The following C17orf67 variants were observed in gnomAD, a reference collection of about 807,000 sequenced individuals.
C17orf67 encodes the protein uncharacterized protein C17orf67.
A neutral mutation model predicts 11.2 loss-of-function variants in C17orf67; 12 were observed. That is an observed-to-expected ratio of 1.07 (90% CI 0.68 to 1.73). The LOEUF is 1.73. Ranked by LOEUF, C17orf67 falls within the 40% of genes most tolerant of loss-of-function variation. The pLI is 0.00. For missense variants in C17orf67, 115 were observed against 113.5 expected (o/e 1.01, Z -0.06); for synonymous variants, 59 against 46.9 (o/e 1.26, Z -1.05).
At chr17:56,831,870 A>G (rs1017628372) in intron 2 of C17orf67, among the ~76,000 whole-genome samples, 8 of 152,194 alleles carry the variant, frequency 5.3e-5, no homozygotes, top group Non-Finnish European at 1.0e-4. Flanking sequence ...ACCTTGGCCT[A>G]TGAAATCTGC....
chr17:56,813,739 T>C (rs577285154), intron 6 of C17orf67, among the ~76,000 whole-genome samples: 1 of 152,228 alleles, frequency 6.6e-6, no homozygotes, highest in East Asian at 1.9e-4. Flanking sequence ...GAGGAGTACT[T>C]ACCATTTGCT....
intron 4 of C17orf67, among the ~76,000 whole-genome samples, chr17:56,819,587 T>TG (rs1905848412): frequency 1.3e-5 from 2 of 152,004 alleles, no homozygotes; most frequent in South Asian, 4.2e-4. Context: ...AAGTCTCGGG[T>TG]GGGGAGGGCC....
intron 6 of C17orf67, among the ~76,000 whole-genome samples, chr17:56,797,922 C>T: frequency 6.6e-6 from 1 of 152,184 alleles, no homozygotes; most frequent in Middle Eastern, 3.2e-3. Flanking sequence ...GATAAAACAA[C>T]AGGACCTCTC....
Position 56,814,989 on chromosome 17 carries a change from G to T in C17orf67, c.56-20C>A, listed in dbSNP as rs181279013. 15 of 1,597,714 alleles carry T rather than the reference G, an allele frequency of 9.4e-6. No individual in the cohort carries two copies. The East Asian group carries it at 3.4e-4, about 36-fold the overall frequency. On this transcript the variant is annotated intron_variant, in intron 5 of 7. Transcript: ENST00000397861. ...AGGTCTCTGGAAAAGTCGGGAAGGTGCCTTAAGGACACTCAGGCTCAGGAG... is the reference window on the plus strand; with the variant it reads ...AGGTCTCTGGAAAAGTCGGGAAGGTTCCTTAAGGACACTCAGGCTCAGGAG...
chr17:56,800,058 A>ATTTTTTTTTTT (rs772880968), intron 6 of C17orf67, among the ~76,000 whole-genome samples: 1 of 96,280 alleles, frequency 1.0e-5, no homozygotes, highest in Admixed American at 1.3e-4. Context: ...TTGCAAACTA[A>ATTTTTTTTTTT]TTTTTTTTTT....
intron 4 of C17orf67, among the ~76,000 whole-genome samples, chr17:56,818,169 A>G (rs1280645394): frequency 6.6e-6 from 1 of 152,094 alleles, no homozygotes; most frequent in East Asian, 1.9e-4. Flanking sequence ...AAAAAAAAAA[A>G]AGAAAAAAGA....
chr17:56,800,775 C>G (rs1905301234), intron 6 of C17orf67, among the ~76,000 whole-genome samples: 1 of 152,214 alleles, frequency 6.6e-6, no homozygotes, highest in African/African-American at 2.4e-5. Flanking sequence ...CAGCATAGCC[C>G]TCCCTGGTCA....
rs62072684 is a variant in C17orf67, at chr17:56,833,171, G to C, written c.-830C>G. 1 of 152,826 alleles carries C rather than the reference G, an allele frequency of 6.5e-6. No homozygotes were observed. The highest frequency in any genetic ancestry group is 1.5e-5 in the Non-Finnish European group (1 of 68,448). The allele number at this position is 152,826 out of a possible 1,614,324, so 9.5% of individuals were successfully genotyped here. A position where few individuals can be genotyped will look rare whatever the true frequency, so the allele number is the denominator to read the frequency against. ...AGCTGTGCGCGCCGGGGCGGTGCCT[G>C]TGCCTCTCTGGATTCCGTGTTTCTT... On this transcript the variant is annotated 5_prime_UTR_variant, in exon 2 of 8. Transcript: ENST00000397861.
chr17:56,830,446 T>G (rs1430045308), intron 2 of C17orf67, among the ~76,000 whole-genome samples: 3 of 152,190 alleles, frequency 2.0e-5, no homozygotes, highest in Non-Finnish European at 4.4e-5. Flanking sequence ...ATATTTAGAT[T>G]CAAATAGTGG....
At chr17:56,793,993 C>T (rs879862032) in intron 7 of C17orf67, among the ~76,000 whole-genome samples, 2 of 151,986 alleles carry the variant, frequency 1.3e-5, no homozygotes, top group African/African-American at 2.4e-5. Flanking sequence ...GATTTCATGC[C>T]CACACACACA....
Position 56,792,162 on chromosome 17 carries a change from A to G in C17orf67, c.*211T>C, listed in dbSNP as rs1905115438. On this transcript the variant is annotated 3_prime_UTR_variant, in exon 8 of 8. Coordinates refer to ENST00000397861, the MANE Select transcript of C17orf67 (RefSeq NM_001085430.4). ...TTGGGAGGTGTCTATGCTTTAAGCT[A>G]TTGGTTTTAGTGATCTATGCAGGTT... is the stretch of plus-strand genomic sequence containing the variant. 1 of 152,162 alleles carries G rather than the reference A, an allele frequency of 6.6e-6. No homozygotes were observed. Among genetic ancestry groups the G allele is most frequent in the Admixed American group, 6.5e-5 (1 of 15,280 alleles). The allele number at this position is 152,162 out of a possible 1,614,324, so 9.4% of individuals were successfully genotyped here. A position where few individuals can be genotyped will look rare whatever the true frequency, so the allele number is the denominator to read the frequency against.
chr17:56,801,787 G>A (rs1433378430), intron 6 of C17orf67, among the ~76,000 whole-genome samples: 4 of 152,234 alleles, frequency 2.6e-5, no homozygotes, highest in Admixed American at 2.6e-4. Flanking sequence ...GGGAGGAACA[G>A]GAAGGCCGTG....
chr17:56,802,513 C>A (rs1479036362), intron 6 of C17orf67, among the ~76,000 whole-genome samples: 2 of 152,218 alleles, frequency 1.3e-5, no homozygotes, highest in African/African-American at 4.8e-5. Flanking sequence ...AGGTTGTTAA[C>A]CCTGATCTTT....
intron 4 of C17orf67, among the ~76,000 whole-genome samples, chr17:56,816,432 A>G (rs1363310532): frequency 2.6e-5 from 4 of 152,198 alleles, no homozygotes; most frequent in East Asian, 3.9e-4. Flanking sequence ...TCAAAAGGAG[A>G]TAAGAGCACC....
chr17:56,806,396 C>T (rs1905453407), intron 6 of C17orf67, among the ~76,000 whole-genome samples: 1 of 152,178 alleles, frequency 6.6e-6, no homozygotes, highest in Non-Finnish European at 1.5e-5. Flanking sequence ...ATTCAAACAT[C>T]AAATCACCAC....
At chr17:56,794,133 T>A (rs1905165560) in intron 7 of C17orf67, among the ~76,000 whole-genome samples, 1 of 152,160 alleles carries the variant, frequency 6.6e-6, no homozygotes, top group Non-Finnish European at 1.5e-5. Flanking sequence ...AAAATGGGGT[T>A]AAAGTGCATG....
intron 6 of C17orf67, among the ~76,000 whole-genome samples, chr17:56,807,623 A>G (rs1905484686): frequency 6.6e-6 from 1 of 152,158 alleles, no homozygotes; most frequent in Non-Finnish European, 1.5e-5. Context: ...GAAAGCTCAG[A>G]ATATTTTTCC....
At chr17:56,822,554 G>A (rs546162387) in intron 4 of C17orf67, among the ~76,000 whole-genome samples, 4 of 152,204 alleles carry the variant, frequency 2.6e-5, no homozygotes, top group East Asian at 1.9e-4. Context: ...TGTAAAGTTC[G>A]TGACACATAA....
chr17:56,831,677 G>C (rs963825097), intron 2 of C17orf67, among the ~76,000 whole-genome samples: 1 of 152,136 alleles, frequency 6.6e-6, no homozygotes, highest in Non-Finnish European at 1.5e-5. Flanking sequence ...CCTCAAGAGT[G>C]ACCTCCCCAA....
Sources: allele counts gnomAD v4.1 joint callset (sites outside exome capture counted in the v4.1 genomes callset), GRCh38; gene constraint gnomAD v4.1.1; transcripts MANE v1.5; gene names NCBI Gene and HGNC (gene_info 2026-07-23, HGNC 2026-07-21).